Variants in TBCD observed in about 807,000 individuals in gnomAD.
TBCD encodes the protein tubulin-specific chaperone D.
TBCD carries 105 observed loss-of-function variants against 169.3 expected under a neutral mutation model. That is an observed-to-expected ratio of 0.62 (90% CI 0.53 to 0.73). The LOEUF (loss-of-function observed/expected upper bound fraction) is 0.73, where lower values mean the gene tolerates loss of function less well. Among genes scored for constraint, TBCD ranks in the 30% least tolerant of loss-of-function variants. TBCD has a pLI of 0.00. For synonymous variants in TBCD, 700 were observed against 643.9 expected (o/e 1.09, Z -1.32); for missense variants, 1,444 against 1,600.1 (o/e 0.90, Z 1.66).
chr17:82,872,856 G>A (rs1047547770), intron 14 of TBCD, among the ~76,000 whole-genome samples: 1 of 152,206 alleles, frequency 6.6e-6, no homozygotes, highest in Admixed American at 6.5e-5. Context: ...CCTGGTGGCC[G>A]AAGGCTTCTG....
chr17:82,902,638 G>A (rs1023736611), intron 18 of TBCD, among the ~76,000 whole-genome samples: 2 of 152,250 alleles, frequency 1.3e-5, no homozygotes, highest in Non-Finnish European at 2.9e-5. Flanking sequence ...CAGCGCGGGC[G>A]TCTGCCATTG....
chr17:82,815,517 AG>A (rs985317559), intron 13 of TBCD, among the ~76,000 whole-genome samples: 16 of 152,348 alleles, frequency 1.1e-4, no homozygotes, highest in African/African-American at 3.8e-4. Context: ...GTGGGGACAG[AG>A]GGCACAGCAT....
chr17:82,912,847 T>C lies in TBCD; in HGVS notation c.2038+1058T>C, dbSNP rs545540067. ...ACTGAGAGCAGCCAGCTTGCATTTC[T>C]GCTGGTGTTAGCTCAGTGTTCTCAT... On this transcript the variant is annotated intron_variant, in intron 23 of 38. Coordinates refer to ENST00000355528, the MANE Select transcript of TBCD (RefSeq NM_005993.5). Among the ~76,000 whole-genome samples, 5 of 152,390 alleles carry C rather than the reference T, an allele frequency of 3.3e-5. No individual in the cohort carries two copies. In the East Asian group the frequency reaches 9.6e-4, roughly 29 times the overall value.
intron 12 of TBCD, among the ~76,000 whole-genome samples, chr17:82,813,808 G>C (rs2051645955): frequency 6.6e-6 from 1 of 152,190 alleles, no homozygotes; most frequent in Non-Finnish European, 1.5e-5. Flanking sequence ...AATTGTGATT[G>C]AGTCTGTCGG....
intron 13 of TBCD, among the ~76,000 whole-genome samples, chr17:82,845,146 C>A (rs368138278): frequency 1.0e-3 from 152 of 152,306 alleles, no homozygotes; most frequent in Middle Eastern, 6.8e-3. Flanking sequence ...TCCCTAGGGG[C>A]ACACAGGCTG....
chr17:82,807,513 G>A (rs1372247293), intron 10 of TBCD, 95 bp from the exon 11 acceptor site: 13 of 776,106 alleles, frequency 1.7e-5, no homozygotes, highest in Non-Finnish European at 2.4e-5. Context: ...CCTTCGGCGT[G>A]TGCACTGAGT....
rs1812635307 is a variant in TBCD, at chr17:82,942,632, T to C, written c.*169T>C. On this transcript the variant is annotated 3_prime_UTR_variant, in exon 39 of 39. Transcript: ENST00000355528. ...GCTTTTCCTCTCTGCACCTGCGCTC[T>C]GGTGACTTGGGGTGGACGCCTCTGC... 1 of 807,548 alleles carries C rather than the reference T, an allele frequency of 1.2e-6. No individual in the cohort carries two copies. The highest frequency in any genetic ancestry group is 1.6e-5 in the South Asian group (1 of 62,778). The allele number at this position is 807,548 out of a possible 1,614,324, so 50.0% of individuals were successfully genotyped here.
Position 82,831,357 on chromosome 17 carries a change from G to T in TBCD, c.1318+16423G>T, listed in dbSNP as rs2053493525. 1.5e-5 allele frequency: 25 copies of T among 1,613,996 alleles called. No individual in the cohort carries two copies. Among genetic ancestry groups the T allele is most frequent in the Non-Finnish European group, 2.0e-5 (24 of 1,180,040 alleles). ...CGTGTTTTCTGTTGGGGTCCGAAGG[G>T]TTTAACCTGGAAGGACTCGAGGCTG... On this transcript the variant is annotated intron_variant, in intron 13 of 38. Coordinates refer to ENST00000355528, the MANE Select transcript of TBCD (RefSeq NM_005993.5). This position sits in a 1 kb window ranked among gnomAD's most constrained non-coding sequence, Gnocchi z 4.6.
At chr17:82,820,464 A>G (rs779801069) in intron 13 of TBCD, among the ~76,000 whole-genome samples, 16 of 152,236 alleles carry the variant, frequency 1.1e-4, no homozygotes, top group Non-Finnish European at 2.2e-4. Context: ...AATAATAACT[A>G]GCACTTGGTG....
At chr17:82,798,466 G>A (rs2050269127) in intron 8 of TBCD, among the ~76,000 whole-genome samples, 1 of 152,066 alleles carries the variant, frequency 6.6e-6, no homozygotes, top group Admixed American at 6.6e-5. Flanking sequence ...ATTTTTAATA[G>A]AGATGGGGTT....
chr17:82,824,515 T>G (rs901298361), intron 13 of TBCD, among the ~76,000 whole-genome samples: 5 of 152,178 alleles, frequency 3.3e-5, no homozygotes, highest in African/African-American at 1.2e-4. Flanking sequence ...AGGATCTCAC[T>G]GTATTGTCCA....
intron 13 of TBCD, among the ~76,000 whole-genome samples, chr17:82,823,335 C>T (rs531150047): frequency 1.3e-5 from 2 of 152,326 alleles, no homozygotes; most frequent in African/African-American, 2.4e-5. Flanking sequence ...CTGACATGGC[C>T]CCAGTGTCCA....
rs566603617 is a variant in TBCD at position 82,931,009 on chromosome 17, C to T, written c.3113+366C>T. On this transcript the variant is annotated intron_variant, in intron 33 of 38. Coordinates refer to ENST00000355528, the MANE Select transcript of TBCD (RefSeq NM_005993.5). ...CGTGCTTGCGGACGCTCATCAGCCA[C>T]CCGGCAAGTGAGAGCTCTGTGTTCC... 3.3e-4 allele frequency among the ~76,000 whole-genome samples: 51 copies of T among 152,360 alleles called. 1 individual carries two copies. The highest frequency in any genetic ancestry group is 1.2e-3 in the African/African-American group (51 of 41,586).
rs369875174 is a variant in TBCD, at chr17:82,941,389, C to G, written c.3480-10C>G. The stretch of plus-strand genomic sequence containing the variant: ...ACTCGAGAGACTCACGGCTCTCCCT[C>G]TCCTCACAGGGACGCGGAGCTTGCA... On this transcript the variant is annotated splice_polypyrimidine_tract_variant and intron_variant, in intron 37 of 38. Coordinates refer to ENST00000355528, the MANE Select transcript of TBCD (RefSeq NM_005993.5). The G allele has an allele frequency of 6.3e-7, 1 of 1,581,878 alleles. No homozygotes were observed. Among genetic ancestry groups the G allele is most frequent in the Non-Finnish European group, 8.6e-7 (1 of 1,169,434 alleles).
chr17:82,822,212 G>A (rs2052474572), intron 13 of TBCD, among the ~76,000 whole-genome samples: 1 of 152,236 alleles, frequency 6.6e-6, no homozygotes, highest in Non-Finnish European at 1.5e-5. Context: ...TGGCAGTTGA[G>A]GTGAGGACAC....
chr17:82,891,223 G>A (rs7220215), intron 16 of TBCD, among the ~76,000 whole-genome samples: 1,990 of 152,346 alleles, frequency 0.013, 60 homozygotes, highest in African/African-American at 0.046. Flanking sequence ...TTTGAGCCAC[G>A]TTACCTTTAT....
chr17:82,830,994 G>C, intron 13 of TBCD: 1 of 1,613,860 alleles, frequency 6.2e-7, no homozygotes. Context: ...TTCCCTTGGA[G>C]GTTTTGAAAA....
At chr17:82,919,782 G>C (rs868045681) in intron 23 of TBCD, among the ~76,000 whole-genome samples, 5 of 152,144 alleles carry the variant, frequency 3.3e-5, no homozygotes, top group Middle Eastern at 6.3e-3. Context: ...TATCTGTGAC[G>C]ATGGGAAGTG....
At chr17:82,791,188 T>G (rs945028494) in intron 7 of TBCD, among the ~76,000 whole-genome samples, 1 of 148,796 alleles carries the variant, frequency 6.7e-6, no homozygotes, top group African/African-American at 2.5e-5. Context: ...GCCTCCCGGG[T>G]TCACGCCATT....
Sources: gnomAD v4.1 joint callset for allele counts (sites outside exome capture counted in the v4.1 genomes callset) on GRCh38, gnomAD v4.1.1 for gene constraint, Gnocchi (gnomAD v3.1) non-coding constraint, MANE v1.5 for transcripts, NCBI Gene and HGNC (gene_info 2026-07-23, HGNC 2026-07-21) for gene names.